Variants in MSL2 observed in about 807,000 individuals in gnomAD.
MSL2 encodes MSL complex subunit 2.
A neutral mutation model predicts 35.8 loss-of-function variants in MSL2; 2 were observed. That is an observed-to-expected ratio of 0.06 (90% CI 0.02 to 0.18). MSL2 has a LOEUF of 0.18. MSL2 is among the 10% of genes least tolerant of loss of function. The pLI is 1.00. For missense variants in MSL2, 523 were observed against 706.7 expected (o/e 0.74, Z 2.95); for synonymous variants, 296 against 255.7 (o/e 1.16, Z -1.50).
At chr3:136,160,508 G>A (rs1046396391) in intron 1 of MSL2, among the ~76,000 whole-genome samples, 9 of 149,682 alleles carry the variant, frequency 6.0e-5, no homozygotes. Flanking sequence ...TCAGGAGTTC[G>A]AGACCAGCCT....
chr3:136,172,356 AC>A (rs1318187902), intron 1 of MSL2, among the ~76,000 whole-genome samples: 2 of 150,942 alleles, frequency 1.3e-5, no homozygotes, highest in Admixed American at 1.3e-4. Context: ...TGGCTCACAT[AC>A]CTCCCATACT....
At chr3:136,175,373 C>T (rs1940144906) in intron 1 of MSL2, among the ~76,000 whole-genome samples, 1 of 151,318 alleles carries the variant, frequency 6.6e-6, no homozygotes, top group African/African-American at 2.4e-5. Context: ...GGAGAATACA[C>T]TTCTCTCACT....
intron 1 of MSL2, among the ~76,000 whole-genome samples, chr3:136,186,355 T>C (rs1176142381): frequency 1.3e-5 from 2 of 152,170 alleles, no homozygotes; most frequent in East Asian, 3.8e-4. Context: ...TATTTGCACA[T>C]AACCTAAGCA....
intron 1 of MSL2, chr3:136,155,888 G>C (rs1220761647): frequency 3.5e-6 from 2 of 574,936 alleles, no homozygotes; most frequent in Non-Finnish European, 7.0e-6. Context: ...ACCTGGCTGT[G>C]ATGGCCTTGT....
In MSL2 at chr3:136,149,615, A is replaced by G. The variant is rs907561861; in HGVS notation, c.*1532T>C. The G allele has an allele frequency of 6.6e-6, 1 of 150,776 alleles. No homozygotes were observed. The highest frequency in any genetic ancestry group is 2.4e-5 in the African/African-American group (1 of 41,124). 9.3% of individuals were successfully genotyped at this position (150,776 alleles called of 1,614,324 possible). On this transcript the variant is annotated 3_prime_UTR_variant, in exon 2 of 2. Coordinates refer to ENST00000309993, the MANE Select transcript of MSL2 (RefSeq NM_018133.4). ...AAAAAAAAAAAGAAAAAAAAGCCCA[A>G]CAACAACAACAAAAACAACTCTACC... is the stretch of plus-strand genomic sequence containing the variant.
At chr3:136,175,321 G>A (rs2108080215) in intron 1 of MSL2, among the ~76,000 whole-genome samples, 1 of 151,002 alleles carries the variant, frequency 6.6e-6, no homozygotes, top group African/African-American at 2.4e-5. Context: ...TCCAGCCTGG[G>A]CGACAGAGCA....
At chr3:136,187,874 G>T (rs1345244504) in intron 1 of MSL2, among the ~76,000 whole-genome samples, 4 of 152,034 alleles carry the variant, frequency 2.6e-5, no homozygotes, top group African/African-American at 9.7e-5. Flanking sequence ...CTGGTGTGAT[G>T]ATTAGCAAGC....
chr3:136,165,922 T>C (rs1017902131), intron 1 of MSL2, among the ~76,000 whole-genome samples: 1 of 152,056 alleles, frequency 6.6e-6, no homozygotes, highest in African/African-American at 2.4e-5. Context: ...ACACAAAGGA[T>C]AAATACTTGA....
At chr3:136,154,701 T>C (rs1939468272) in intron 1 of MSL2, among the ~76,000 whole-genome samples, 2 of 152,126 alleles carry the variant, frequency 1.3e-5, no homozygotes, top group Non-Finnish European at 2.9e-5. Context: ...TATCAAAATT[T>C]GGAGAATGCA....
chr3:136,189,248 G>A (rs1940614558), intron 1 of MSL2, among the ~76,000 whole-genome samples: 2 of 146,020 alleles, frequency 1.4e-5, no homozygotes, highest in South Asian at 2.2e-4. Context: ...GCACTGAGCC[G>A]TGATCATGCC....
intron 1 of MSL2, among the ~76,000 whole-genome samples, chr3:136,162,248 T>G (rs1165633122): frequency 6.7e-6 from 1 of 150,052 alleles, no homozygotes; most frequent in African/African-American, 2.5e-5. Context: ...ATATATGCAT[T>G]TGAAAAGATA....
chr3:136,152,839 GAATTAAACTCACTAGA>G lies in MSL2; in HGVS notation c.143-117_143-102del, dbSNP rs534399804. 460 of 1,486,172 alleles carry G rather than the reference GAATTAAACTCACTAGA, an allele frequency of 3.1e-4. 6 individuals are homozygous for G. In the South Asian group the frequency reaches 6.0e-3, roughly 19 times the overall value. 92.1% of individuals were successfully genotyped at this position (1,486,172 alleles called of 1,614,324 possible). A position where few individuals can be genotyped will look rare whatever the true frequency, so the allele number is the denominator to read the frequency against. ...ATAAGTAGTCTATCAAAATTGAGAT[GAATTAAACTCACTAGA>G]CCAGATAACAGAAAATATATCTTAG... On this transcript the variant is annotated intron_variant, in intron 1 of 1. Transcript: ENST00000309993.
At chr3:136,177,376 C>A (rs1380237916) in intron 1 of MSL2, among the ~76,000 whole-genome samples, 1 of 151,936 alleles carries the variant, frequency 6.6e-6, no homozygotes, top group Non-Finnish European at 1.5e-5. Flanking sequence ...GCCTTAGTCA[C>A]TAAAAATAAT....
intron 1 of MSL2, among the ~76,000 whole-genome samples, chr3:136,189,108 CA>C (rs372715974): frequency 2.3e-3 from 89 of 38,598 alleles, no homozygotes; most frequent in Non-Finnish European, 2.5e-3. Context: ...CCTGTCTCTA[CA>C]AAAAAAAAAA....
At chr3:136,171,897 C>T (rs1354774234) in intron 1 of MSL2, among the ~76,000 whole-genome samples, 1 of 151,710 alleles carries the variant, frequency 6.6e-6, no homozygotes, top group Non-Finnish European at 1.5e-5. Flanking sequence ...GAAACTTTTT[C>T]TTTTTTTTGG....
At chr3:136,168,756 T>TAA (rs76792710) in intron 1 of MSL2, among the ~76,000 whole-genome samples, 12 of 142,642 alleles carry the variant, frequency 8.4e-5, no homozygotes, top group Admixed American at 5.6e-4. Flanking sequence ...AGTATAATAA[T>TAA]AAAAAAAAAA....
intron 1 of MSL2, among the ~76,000 whole-genome samples, chr3:136,160,150 C>T (rs1236931267): frequency 6.6e-6 from 1 of 151,360 alleles, no homozygotes; most frequent in Non-Finnish European, 1.5e-5. Context: ...ATGGCACACG[C>T]CTGTAGTCCC....
intron 1 of MSL2, among the ~76,000 whole-genome samples, chr3:136,168,228 AAAC>A (rs1939906240): frequency 6.6e-6 from 1 of 152,196 alleles, no homozygotes; most frequent in Admixed American, 6.5e-5. Flanking sequence ...AAAAAAAAGC[AAAC>A]AAGCTCTTAA....
chr3:136,180,760 A>AGGAGGGAAGGAGGGAG (rs1940319212), intron 1 of MSL2, among the ~76,000 whole-genome samples: 1 of 41,602 alleles, frequency 2.4e-5, no homozygotes, highest in Non-Finnish European at 4.6e-5. Context: ...GAAGGAGGGA[A>AGGAGGGAAGGAGGGAG]GGAGGGAGGG....
Sources: gnomAD v4.1 joint callset for allele counts (sites outside exome capture counted in the v4.1 genomes callset) on GRCh38, gnomAD v4.1.1 for gene constraint, MANE v1.5 for transcripts, NCBI Gene and HGNC (gene_info 2026-07-23, HGNC 2026-07-21) for gene names.